Variants in ARFGEF3 observed in about 807,000 individuals in gnomAD.
ARFGEF3 encodes brefeldin A-inhibited guanine nucleotide-exchange protein 3.
ARFGEF3 carries 96 observed loss-of-function variants against 221.7 expected under a neutral mutation model. That is an observed-to-expected ratio of 0.43 (90% CI 0.37 to 0.51). The LOEUF is 0.51. ARFGEF3 is among the 20% of genes least tolerant of loss of function. The pLI, the probability that ARFGEF3 is intolerant of heterozygous loss-of-function variation, is 0.00. For synonymous variants in ARFGEF3, 1,145 were observed against 1,126.8 expected, an observed-to-expected ratio of 1.02 and a Z score of -0.32; for missense variants, 2,410 against 2,789.9, an observed-to-expected ratio of 0.86 and a Z score of 3.07.
intron 22 of ARFGEF3, among the ~76,000 whole-genome samples, chr6:138,303,997 G>T (rs1779675327): frequency 6.6e-6 from 1 of 151,730 alleles, no homozygotes; most frequent in South Asian, 2.1e-4. Context: ...AGTTCCTCAA[G>T]GGGTATATAA....
chr6:138,335,004 C>T lies in ARFGEF3; in HGVS notation c.6158C>T (p.Pro2053Leu). The stretch of plus-strand genomic sequence containing the variant: ...GTCAAAGTGGAGAAGAAAGGAGAGC[C>T]ACTGGGTCCCAGGGGCCAGGACTCC... ...KEVKVEKKGEPLGPRGQDSPL... is the reference protein window; with the variant it reads ...KEVKVEKKGELLGPRGQDSPL... Residue 2053 changes from proline to leucine, a missense_variant, in exon 33 of 34, where the codon CCA (proline) becomes CTA (leucine). Around this residue, in one of 5 missense-constraint regions of ARFGEF3, gnomAD observed 339 missense variants for 334.9 expected, o/e 1.01. Coordinates refer to ENST00000251691, the MANE Select transcript of ARFGEF3 (RefSeq NM_020340.5). 1 of 1,587,196 alleles carries T rather than the reference C, an allele frequency of 6.3e-7. No individual in the cohort carries two copies. Among genetic ancestry groups the T allele is most frequent in the Non-Finnish European group, 8.6e-7 (1 of 1,167,536 alleles).
At chr6:138,317,020 T>C (rs895598361) in intron 26 of ARFGEF3, among the ~76,000 whole-genome samples, 2 of 152,220 alleles carry the variant, frequency 1.3e-5, no homozygotes, top group Non-Finnish European at 2.9e-5. Flanking sequence ...ATCACCTTTT[T>C]ATTAAAGGGG....
chr6:138,305,012 C>T (rs545688385), intron 22 of ARFGEF3, among the ~76,000 whole-genome samples: 8 of 151,196 alleles, frequency 5.3e-5, no homozygotes, highest in East Asian at 1.9e-4. Flanking sequence ...ACTGTTATGG[C>T]GGGGGCAATA....
At position 138,286,853 on chromosome 6, in the gene ARFGEF3, C is replaced by T. The variant is rs763602394; in HGVS notation, c.2722C>T (p.Arg908Trp). ...CATCAAAGAGCAGAACCAGAAGGAGCGGGACGCCATCTGCATGAGCCTCGA... is the reference window on the plus strand; with the variant it reads ...CATCAAAGAGCAGAACCAGAAGGAGTGGGACGCCATCTGCATGAGCCTCGA... ...EGIKEQNQKE[R>W]DAICMSLDGL... is the part of the protein sequence containing the mutation. The change falls in exon 16 of 34, where the codon CGG (arginine) becomes TGG (tryptophan). Residue 908 changes from arginine (R) to tryptophan (W), a missense_variant. Physicochemically the swap from Arg to Trp is moderately radical, Grantham distance 101. Around this residue, in one of 5 missense-constraint regions of ARFGEF3, gnomAD observed 594 missense variants for 734.3 expected, o/e 0.81. Transcript: ENST00000251691. 47 of 1,613,786 alleles carry T rather than the reference C, an allele frequency of 2.9e-5. No individual in the cohort carries two copies. The highest frequency in any genetic ancestry group is 4.0e-5 in the African/African-American group (3 of 74,930).
chr6:138,336,357 C>T lies in ARFGEF3; in HGVS notation c.6405C>T (p.Phe2135=). The T allele has an allele frequency of 1.9e-6, 3 of 1,611,634 alleles. No individual in the cohort carries two copies. The highest frequency in any genetic ancestry group is 1.1e-5 in the South Asian group (1 of 90,330). The change falls in exon 34 of 34, where the codon TTC becomes TTT. Residue 2135 remains phenylalanine (F), a synonymous_variant. Coordinates refer to ENST00000251691, the MANE Select transcript of ARFGEF3 (RefSeq NM_020340.5). ...TTCAGATTCTCCCAGACCAGACCTT[C>T]ACGGCCCTCCAGCCCGCAGTGTTCC... ...NQIQILPDQT[F]TALQPAVFPC...
At chr6:138,207,724 C>G (rs1035642772) in intron 3 of ARFGEF3, among the ~76,000 whole-genome samples, 7 of 152,148 alleles carry the variant, frequency 4.6e-5, no homozygotes, top group African/African-American at 1.7e-4. Context: ...AATATACATA[C>G]TTTTTAAAGT....
intron 2 of ARFGEF3, 22 bp downstream of exon 2, chr6:138,170,735 A>G (rs1166391029): frequency 7.0e-7 from 1 of 1,436,072 alleles, no homozygotes; most frequent in Non-Finnish European, 9.8e-7. Flanking sequence ...ACATTGTATA[A>G]TATCACAGAA....
intron 27 of ARFGEF3, among the ~76,000 whole-genome samples, chr6:138,318,163 A>G (rs956287949): frequency 2.6e-5 from 4 of 152,182 alleles, no homozygotes; most frequent in African/African-American, 7.2e-5. Context: ...TTTTTAAAAA[A>G]CACCATAGAT....
At chr6:138,323,052 C>T (rs1293178740) in intron 29 of ARFGEF3, among the ~76,000 whole-genome samples, 2 of 151,726 alleles carry the variant, frequency 1.3e-5, no homozygotes, top group Admixed American at 1.3e-4. Flanking sequence ...TTTGGTTTTG[C>T]TTGTAGAGGA....
intron 12 of ARFGEF3, among the ~76,000 whole-genome samples, chr6:138,265,110 A>G (rs143127270): frequency 0.018 from 2,782 of 152,128 alleles, 31 homozygotes; most frequent in Middle Eastern, 0.051. Context: ...TCGCTGTGTT[A>G]GCCAGGATGG....
intron 13 of ARFGEF3, among the ~76,000 whole-genome samples, chr6:138,279,283 G>A (rs186640059): frequency 3.9e-5 from 6 of 152,172 alleles, no homozygotes; most frequent in Admixed American, 6.5e-5. Flanking sequence ...CTCCCAAAGC[G>A]TTGGGATTAC....
intron 2 of ARFGEF3, among the ~76,000 whole-genome samples, chr6:138,203,158 A>G (rs79477383): frequency 2.7e-5 from 4 of 150,550 alleles, no homozygotes; most frequent in Non-Finnish European, 4.4e-5. Flanking sequence ...GATTGTGTGT[A>G]TGTGTGTGTG....
chr6:138,255,400 G>T lies in ARFGEF3; in HGVS notation c.771-36G>T, dbSNP rs201038074. Reference sequence around the variant, plus strand: ...CAGAGTAAATTTTATCATTTGGCTCGTGGGGAAAGTTACTTTTCTCACCAT... The same window carrying T: ...CAGAGTAAATTTTATCATTTGGCTCTTGGGGAAAGTTACTTTTCTCACCAT... On this transcript the variant is annotated intron_variant, in intron 9 of 33. Transcript: ENST00000251691. 3.2e-5 allele frequency: 47 copies of T among 1,476,406 alleles called. No individual in the cohort carries two copies. The Middle Eastern group carries it at 7.1e-4, about 22-fold the overall frequency. 91.5% of individuals were successfully genotyped at this position (1,476,406 alleles called of 1,614,324 possible). A position where few individuals can be genotyped will look rare whatever the true frequency, so the allele number is the denominator to read the frequency against.
chr6:138,218,030 A>G (rs751443531), intron 4 of ARFGEF3: 1 of 1,611,618 alleles, frequency 6.2e-7, no homozygotes, highest in Non-Finnish European at 8.5e-7. Flanking sequence ...AGTAGAGAAG[A>G]CAGCATTCCA....
rs1177375992 is a variant in ARFGEF3 at position 138,341,582 on chromosome 6, G to A, written c.*5096G>A. 6.6e-6 allele frequency: 1 copy of A among 152,374 alleles called. No homozygotes were observed. The highest frequency in any genetic ancestry group is 2.4e-5 in the African/African-American group (1 of 41,424). The allele number at this position is 152,374 out of a possible 1,614,324, so 9.4% of individuals were successfully genotyped here. ...ATTGGAAATATGAGCTTGTCACTGG[G>A]AAAGATTTGTAAAATTGATCAAGAA... On this transcript the variant is annotated 3_prime_UTR_variant, in exon 34 of 34. Coordinates refer to ENST00000251691, the MANE Select transcript of ARFGEF3 (RefSeq NM_020340.5).
intron 19 of ARFGEF3, among the ~76,000 whole-genome samples, chr6:138,293,699 C>T (rs961285882): frequency 6.6e-6 from 1 of 152,216 alleles, no homozygotes; most frequent in African/African-American, 2.4e-5. Context: ...GGGAACAACG[C>T]CTTGCCATCT....
intron 22 of ARFGEF3, among the ~76,000 whole-genome samples, chr6:138,302,001 A>C (rs571527611): frequency 2.6e-5 from 4 of 152,258 alleles, no homozygotes; most frequent in East Asian, 1.9e-4. Context: ...GGGGAAAAAA[A>C]CCCTCAAAAA....
At chr6:138,238,757 C>A in intron 6 of ARFGEF3, 126 bp downstream of exon 6, 1 of 839,832 alleles carries the variant, frequency 1.2e-6, no homozygotes, top group East Asian at 2.5e-5. Flanking sequence ...CTTGTTTTAA[C>A]AGAACATTTA....
At chr6:138,184,143 A>G (rs1227051810) in intron 2 of ARFGEF3, among the ~76,000 whole-genome samples, 2 of 152,242 alleles carry the variant, frequency 1.3e-5, no homozygotes, top group African/African-American at 2.4e-5. Context: ...TTACCATATT[A>G]GAAACTAAAA....
Sources: allele counts gnomAD v4.1 joint callset (sites outside exome capture counted in the v4.1 genomes callset), GRCh38; gene constraint gnomAD v4.1.1; regional missense constraint gnomAD v4.1.1; transcripts MANE v1.5; gene names NCBI Gene and HGNC (gene_info 2026-07-23, HGNC 2026-07-21).